CPNE4: variants seen among roughly 807,000 people sequenced by gnomAD.
CPNE4 encodes the protein copine 4.
Under a neutral mutation model 67.9 loss-of-function variants are expected in CPNE4, and 25 were observed. That is an observed-to-expected ratio of 0.37 (90% CI 0.27 to 0.51). The LOEUF is 0.51. CPNE4 is among the 20% of genes least tolerant of loss of function. The pLI, the probability that CPNE4 is intolerant of heterozygous loss-of-function variation, is 0.93. For missense variants in CPNE4, 464 were observed against 690.8 expected, an observed-to-expected ratio of 0.67 and a Z score of 3.68; for synonymous variants, 242 against 244.9, an observed-to-expected ratio of 0.99 and a Z score of 0.11.
chr3:131,998,654 T>A (rs899308127), intron 1 of CPNE4, among the ~76,000 whole-genome samples: 2 of 152,160 alleles, frequency 1.3e-5, no homozygotes, highest in African/African-American at 4.8e-5. Context: ...AAACTGTTCC[T>A]ATTTATTCAT....
At chr3:131,815,565 C>T (rs1452560504) in intron 2 of CPNE4, among the ~76,000 whole-genome samples, 2 of 152,160 alleles carry the variant, frequency 1.3e-5, no homozygotes, top group East Asian at 1.9e-4. Flanking sequence ...TGGGAAGATT[C>T]CAGAACCTGC....
chr3:131,865,527 A>G (rs2107680120), intron 2 of CPNE4, among the ~76,000 whole-genome samples: 1 of 152,090 alleles, frequency 6.6e-6, no homozygotes, highest in South Asian at 2.1e-4. Flanking sequence ...ATATATTCCC[A>G]TATAATCACC....
intron 7 of CPNE4, among the ~76,000 whole-genome samples, chr3:131,592,578 A>G (rs1459393348): frequency 6.6e-6 from 1 of 151,720 alleles, no homozygotes; most frequent in East Asian, 1.9e-4. Flanking sequence ...GTGGATCTGA[A>G]CCCAGGTGTC....
chr3:131,801,416 G>GCGTGTA (rs2084114844), intron 2 of CPNE4, among the ~76,000 whole-genome samples: 2 of 29,064 alleles, frequency 6.9e-5, no homozygotes, highest in South Asian at 1.5e-3. Flanking sequence ...ACATATATAC[G>GCGTGTA]TGTGTGTGTG....
At chr3:131,876,653 A>AAAAAAAAGAAAG (rs762079430) in intron 2 of CPNE4, among the ~76,000 whole-genome samples, 1 of 140,678 alleles carries the variant, frequency 7.1e-6, no homozygotes, top group Non-Finnish European at 1.5e-5. Flanking sequence ...AAAAAAAAAA[A>AAAAAAAAGAAAG]AAAGAAAGAA....
chr3:131,682,886 C>A (rs1437003497), intron 6 of CPNE4, among the ~76,000 whole-genome samples: 5 of 152,050 alleles, frequency 3.3e-5, no homozygotes, highest in Admixed American at 3.3e-4. Context: ...CCCCTTTCCA[C>A]AAGCAGAGTA....
intron 6 of CPNE4, among the ~76,000 whole-genome samples, chr3:131,683,116 TTGC>T (rs1180241612): frequency 6.6e-6 from 1 of 152,146 alleles, no homozygotes; most frequent in Non-Finnish European, 1.5e-5. Context: ...AAGAGCCCAA[TTGC>T]TGCTCTATCT....
intron 1 of CPNE4, among the ~76,000 whole-genome samples, chr3:132,032,577 C>T (rs566437906): frequency 1.1e-4 from 17 of 152,256 alleles, no homozygotes; most frequent in African/African-American, 3.9e-4. Context: ...AAATGTTGGC[C>T]TTTATTAGTA....
chr3:131,577,095 C>T (rs1937568893), intron 9 of CPNE4, among the ~76,000 whole-genome samples: 2 of 151,952 alleles, frequency 1.3e-5, no homozygotes, highest in Non-Finnish European at 2.9e-5. Context: ...AAGATTAATA[C>T]AATGGCCAGT....
chr3:131,638,389 C>T (rs958507591), intron 7 of CPNE4, among the ~76,000 whole-genome samples: 1 of 151,694 alleles, frequency 6.6e-6, no homozygotes, highest in African/African-American at 2.4e-5. Context: ...GCAGGAATAG[C>T]TAAACTTGAA....
Position 131,906,352 on chromosome 3 carries a change from A to G in CPNE4, c.-1-908T>C, listed in dbSNP as rs527939385. Among the ~76,000 whole-genome samples the G allele has an allele frequency of 1.3e-3, 190 of 150,532 alleles. 1 individual carries two copies. Among genetic ancestry groups the G allele is most frequent in the Middle Eastern group, 3.4e-3 (1 of 294 alleles). Reference sequence around the variant, plus strand: ...TGTGCCATGCCGCTGTGCTGCACCCATTAACTCATCATTTAGCATTAGGTA... The same window carrying G: ...TGTGCCATGCCGCTGTGCTGCACCCGTTAACTCATCATTTAGCATTAGGTA... On this transcript the variant is annotated intron_variant, in intron 1 of 15. Coordinates refer to ENST00000429747, the MANE Select transcript of CPNE4 (RefSeq NM_130808.3).
chr3:131,792,636 C>CGTGTATATATATATATATACACACGT (rs2083767134), intron 2 of CPNE4, among the ~76,000 whole-genome samples: 1 of 66,962 alleles, frequency 1.5e-5, no homozygotes, highest in Admixed American at 2.0e-4. Flanking sequence ...TATATACACA[C>CGTGTATATATATATATATACACACGT]GTGTATATAT....
chr3:132,019,220 A>C (rs1248158713), intron 1 of CPNE4, among the ~76,000 whole-genome samples: 1 of 152,210 alleles, frequency 6.6e-6, no homozygotes, highest in Non-Finnish European at 1.5e-5. Flanking sequence ...ACAAGCAAGA[A>C]AGCAAGTTGA....
rs56412825 is a variant in CPNE4 at position 131,547,455 on chromosome 3, C to CAAAAAAAAAAAAAAAAAAAA, written c.1302+2472_1302+2491dup. ...TGGGTGATAGACCAAGACCCTGTCGCAAAAAAAAAAAAAAAAAAAAAAAAA... is the reference window on the plus strand; with the variant it reads ...TGGGTGATAGACCAAGACCCTGTCGCAAAAAAAAAAAAAAAAAAAAAAAAAAAAAAAAAAAAAAAAAAAAA... On this transcript the variant is annotated intron_variant, in intron 14 of 15. Coordinates refer to ENST00000429747, the MANE Select transcript of CPNE4 (RefSeq NM_130808.3). Among the ~76,000 whole-genome samples the CAAAAAAAAAAAAAAAAAAAA allele has an allele frequency of 2.5e-4, 9 of 36,524 alleles. 4 individuals are homozygous for CAAAAAAAAAAAAAAAAAAAA. The highest frequency in any genetic ancestry group is 1.6e-3 in the East Asian group (2 of 1,240). 24.0% of individuals were successfully genotyped at this position (36,524 alleles called of 152,430 possible).
Position 131,637,732 on chromosome 3 carries a change from C to T in CPNE4, c.681+31943G>A, listed in dbSNP as rs558294335. 9.5e-4 allele frequency among the ~76,000 whole-genome samples: 145 copies of T among 152,236 alleles called. 1 individual carries two copies. Among genetic ancestry groups the T allele is most frequent in the African/African-American group, 3.3e-3 (139 of 41,556 alleles). ...AAAAAGATCATCACCTAGGCACAGT[C>T]ATCCAGTTATCTAAAGTCAAGATGA... On this transcript the variant is annotated intron_variant, in intron 7 of 15. Coordinates refer to ENST00000429747, the MANE Select transcript of CPNE4 (RefSeq NM_130808.3).
chr3:131,555,748 G>A (rs1401142351), intron 11 of CPNE4, among the ~76,000 whole-genome samples, 197 bp from the exon 12 acceptor site: 3 of 151,930 alleles, frequency 2.0e-5, no homozygotes, highest in Admixed American at 2.0e-4. Context: ...AGCCCCTTAA[G>A]TTCATTACAG....
At chr3:131,673,836 C>T (rs763390150) in intron 6 of CPNE4, among the ~76,000 whole-genome samples, 13 of 152,074 alleles carry the variant, frequency 8.5e-5, no homozygotes, top group Non-Finnish European at 1.9e-4. Context: ...CCAGCTAGGA[C>T]TTCCATTTCC....
rs1468800175 is a variant in CPNE4 at position 132,034,777 on chromosome 3, T to C, written c.-212A>G. Reference sequence around the variant, plus strand: ...GAAAGGTGCTGAGAGCAGAGTTCGGTCTCTCCGGAAACCCTGACTCCATTC... The same window carrying C: ...GAAAGGTGCTGAGAGCAGAGTTCGGCCTCTCCGGAAACCCTGACTCCATTC... On this transcript the variant is annotated 5_prime_UTR_variant, in exon 1 of 16. Coordinates refer to ENST00000429747, the MANE Select transcript of CPNE4 (RefSeq NM_130808.3). The C allele has an allele frequency of 1.0e-6, 1 of 983,896 alleles. No individual in the cohort carries two copies. The highest frequency in any genetic ancestry group is 1.2e-6 in the Non-Finnish European group (1 of 829,832). The allele number at this position is 983,896 out of a possible 1,614,324, so 60.9% of individuals were successfully genotyped here.
chr3:131,762,361 A>G (rs769484481), intron 2 of CPNE4, among the ~76,000 whole-genome samples: 17 of 152,140 alleles, frequency 1.1e-4, no homozygotes, highest in Non-Finnish European at 2.2e-4. Flanking sequence ...TGTTTGATAT[A>G]CCAGACTTCA....
Sources: gnomAD v4.1 joint callset for allele counts (sites outside exome capture counted in the v4.1 genomes callset) on GRCh38, gnomAD v4.1.1 for gene constraint, MANE v1.5 for transcripts, NCBI Gene and HGNC (gene_info 2026-07-23, HGNC 2026-07-21) for gene names.